The following BRAF variants were observed in gnomAD, a reference collection of about 807,000 sequenced individuals.
The protein encoded by BRAF is serine/threonine-protein kinase B-raf.
Under a neutral mutation model 104.6 loss-of-function variants are expected in BRAF, and 16 were observed. The ratio of observed to expected loss-of-function variants is 0.15; its 90% CI spans 0.10 to 0.23. BRAF has a LOEUF of 0.23. Ranked by LOEUF, BRAF falls within the 10% of genes least tolerant of loss-of-function variation. The pLI is 1.00. For missense variants in BRAF, 541 were observed against 937.3 expected (o/e 0.58, Z 5.52); for synonymous variants, 310 against 341.6 (o/e 0.91, Z 1.02).
Position 140,721,735 on chromosome 7 carries a change from T to C in BRAF, c.*4759A>G, listed in dbSNP as rs1243232274. 5 of 1,512,686 alleles carry C rather than the reference T, an allele frequency of 3.3e-6. No individual in the cohort carries two copies. In the African/African-American group the frequency reaches 7.0e-5, roughly 21 times the overall value. The allele number at this position is 1,512,686 out of a possible 1,614,324, so 93.7% of individuals were successfully genotyped here. ...GGAGACAATACATGGACTTTCTCTTTCAATGGTGAGGAATGAAACAAGATA... is the reference window on the plus strand; with the variant it reads ...GGAGACAATACATGGACTTTCTCTTCCAATGGTGAGGAATGAAACAAGATA... On this transcript the variant is annotated 3_prime_UTR_variant, in exon 20 of 20. Coordinates refer to ENST00000644969, the MANE Select transcript of BRAF (RefSeq NM_001374258.1).
intron 1 of BRAF, among the ~76,000 whole-genome samples, chr7:140,905,610 C>A (rs1325572976): frequency 6.6e-6 from 1 of 152,088 alleles, no homozygotes; most frequent in Admixed American, 6.5e-5. Context: ...ATAATTTAAT[C>A]CATTTTGTAT....
At chr7:140,728,489 G>A (rs1302458311) in intron 19 of BRAF, among the ~76,000 whole-genome samples, 1 of 151,766 alleles carries the variant, frequency 6.6e-6, no homozygotes, top group African/African-American at 2.4e-5. Context: ...ATCAAGAAAG[G>A]GTAAAAGAAT....
rs1157626543 is a variant in BRAF, at chr7:140,723,434, A to G, written c.*3060T>C. 9.5e-7 allele frequency: 1 copy of G among 1,055,070 alleles called. No homozygotes were observed. Among genetic ancestry groups the G allele is most frequent in the South Asian group, 4.6e-5 (1 of 21,852 alleles). 65.4% of individuals were successfully genotyped at this position (1,055,070 alleles called of 1,614,324 possible). A position where few individuals can be genotyped will look rare whatever the true frequency, so the allele number is the denominator to read the frequency against. On this transcript the variant is annotated 3_prime_UTR_variant, in exon 20 of 20. Coordinates refer to ENST00000644969, the MANE Select transcript of BRAF (RefSeq NM_001374258.1). ...AAAATGCCCCAGTATGCCCTACTAG[A>G]TCTCAAATACAATCAGGGGTGAGAT...
Position 140,781,681 on chromosome 7 carries a change from T to G in BRAF, c.1447A>C (p.Arg483=). 1 of 1,613,900 alleles carries G rather than the reference T, an allele frequency of 6.2e-7. No individual in the cohort carries two copies. The highest frequency in any genetic ancestry group is 8.5e-7 in the Non-Finnish European group (1 of 1,179,862). ...TCCCAATCATCACTCGAGTCCCGTC[T>G]ACCAAGTGTTTTCTTGATAAAAACA... ...EDRNRMKTLG[R]RDSSDDWEIP... is the part of the protein sequence containing the mutation. The change falls in exon 12 of 20, where the codon AGA becomes CGA. Residue 483 remains arginine (R), a synonymous_variant. Transcript: ENST00000644969.
intron 5 of BRAF, among the ~76,000 whole-genome samples, chr7:140,805,270 A>C (rs1289712927): frequency 6.6e-6 from 1 of 152,184 alleles, no homozygotes; most frequent in African/African-American, 2.4e-5. Context: ...CCTATGTATC[A>C]CTTTCTAGGG....
rs1795284103 is a variant in BRAF at position 140,720,820 on chromosome 7, CAAAA to C, written c.*5670_*5673del. The C allele has an allele frequency of 2.9e-5, 31 of 1,066,138 alleles. No homozygotes were observed. The South Asian group carries it at 1.2e-3, about 42-fold the overall frequency. The allele number at this position is 1,066,138 out of a possible 1,614,324, so 66.0% of individuals were successfully genotyped here. On this transcript the variant is annotated 3_prime_UTR_variant, in exon 20 of 20. Coordinates refer to ENST00000644969, the MANE Select transcript of BRAF (RefSeq NM_001374258.1). Reference sequence around the variant, plus strand: ...AAATGCAACGCAGTAATTTTCAAAACAAAACCAGGACTAAGCAACTTCATCAAAA... The same window carrying C: ...AAATGCAACGCAGTAATTTTCAAAACCCAGGACTAAGCAACTTCATCAAAA...
At chr7:140,920,163 G>C (rs1818065008) in intron 1 of BRAF, among the ~76,000 whole-genome samples, 1 of 152,192 alleles carries the variant, frequency 6.6e-6, no homozygotes, top group Admixed American at 6.5e-5. Context: ...AGGCAGAAAT[G>C]TAAGGTGACT....
intron 3 of BRAF, chr7:140,823,970 T>C (rs763223620): frequency 1.3e-5 from 2 of 152,226 alleles, no homozygotes; most frequent in Non-Finnish European, 2.9e-5. Context: ...ATTAAAGAAA[T>C]GTCTGTTCAA....
At position 140,746,176 on chromosome 7, in the gene BRAF, A is replaced by G. The variant is rs563071912; in HGVS notation, c.2112+3111T>C. The stretch of plus-strand genomic sequence containing the variant: ...ATGCAGCAATTATAACTGGAATAAT[A>G]CACTTGAAATAACAGATATATGCTA... On this transcript the variant is annotated intron_variant, in intron 17 of 19. Transcript: ENST00000644969. 3.3e-5 allele frequency among the ~76,000 whole-genome samples: 5 copies of G among 152,356 alleles called. No homozygotes were observed. In the South Asian group the frequency reaches 8.3e-4, roughly 25 times the overall value.
At chr7:140,769,737 T>C (rs1439278546) in intron 14 of BRAF, among the ~76,000 whole-genome samples, 1 of 152,150 alleles carries the variant, frequency 6.6e-6, no homozygotes, top group Non-Finnish European at 1.5e-5. Context: ...AAAAATGTCC[T>C]TAATGTTTTA....
intron 1 of BRAF, among the ~76,000 whole-genome samples, chr7:140,867,289 A>T (rs1811074367): frequency 6.6e-6 from 1 of 152,218 alleles, no homozygotes; most frequent in South Asian, 2.1e-4. Flanking sequence ...GAAGTAGAAG[A>T]AATATTCCAT....
intron 12 of BRAF, 59 bp from the exon 12 acceptor site, chr7:140,778,134 A>G: frequency 6.6e-7 from 1 of 1,516,228 alleles, no homozygotes; most frequent in East Asian, 2.3e-5. Context: ...AAAGTATAAA[A>G]CATTCTTGGG....
chr7:140,910,531 G>C (rs943524917), intron 1 of BRAF, among the ~76,000 whole-genome samples: 1 of 152,116 alleles, frequency 6.6e-6, no homozygotes, highest in African/African-American at 2.4e-5. Context: ...AAGTAGAACT[G>C]CTTTGGTTGA....
chr7:140,811,189 G>A (rs1190184598), intron 3 of BRAF, among the ~76,000 whole-genome samples: 2 of 152,206 alleles, frequency 1.3e-5, no homozygotes, highest in Non-Finnish European at 2.9e-5. Flanking sequence ...TGTGACTAGA[G>A]GCTGGTAGGA....
At chr7:140,836,274 A>C (rs1807328513) in intron 2 of BRAF, 2 of 152,216 alleles carry the variant, frequency 1.3e-5, no homozygotes, top group South Asian at 4.1e-4. Flanking sequence ...GGAAAGAAAG[A>C]AATTTAAATG....
At chr7:140,749,034 A>G in intron 17 of BRAF, 1 of 448,030 alleles carries the variant, frequency 2.2e-6, no homozygotes, top group Non-Finnish European at 4.1e-6. Flanking sequence ...AGAAATATCC[A>G]TTCTTGTAAC....
chr7:140,753,212 A>T (rs2128997948), intron 16 of BRAF, 63 bp downstream of exon 15: 1 of 1,167,798 alleles, frequency 8.6e-7, no homozygotes, highest in Non-Finnish European at 1.3e-6. Flanking sequence ...ATGACTTTCT[A>T]GTAACTCAGC....
intron 1 of BRAF, among the ~76,000 whole-genome samples, chr7:140,886,368 C>G (rs549036620): frequency 6.6e-6 from 1 of 152,188 alleles, no homozygotes; most frequent in Non-Finnish European, 1.5e-5. Flanking sequence ...ATAACTGATT[C>G]ACAACACTCC....
Position 140,897,059 on chromosome 7 carries a change from CT to C in BRAF, c.138+27506del, listed in dbSNP as rs769606077. Among the ~76,000 whole-genome samples, 1,335 of 138,140 alleles carry C rather than the reference CT, an allele frequency of 9.7e-3. 1 individual carries two copies. Among genetic ancestry groups the C allele is most frequent in the Non-Finnish European group, 0.011 (681 of 63,090 alleles). The allele number at this position is 138,140 out of a possible 152,430, so 90.6% of individuals were successfully genotyped here. ...TTTTACAGAATTTGACAACCTAATT[CT>C]TTTTTTTTTTTTTTAACCAAATACC... is the stretch of plus-strand genomic sequence containing the variant. On this transcript the variant is annotated intron_variant, in intron 1 of 19. Transcript: ENST00000644969.
Sources: allele counts gnomAD v4.1 joint callset (sites outside exome capture counted in the v4.1 genomes callset), GRCh38; gene constraint gnomAD v4.1.1; transcripts MANE v1.5; gene names NCBI Gene and HGNC (gene_info 2026-07-23, HGNC 2026-07-21).